The following GALK2 variants were observed in gnomAD, a reference collection of about 807,000 sequenced individuals.
The protein encoded by GALK2 is N-acetylgalactosamine kinase.
Under a neutral mutation model 52.4 loss-of-function variants are expected in GALK2, and 36 were observed. That is an observed-to-expected ratio of 0.69 (90% CI 0.53 to 0.91). The LOEUF is 0.91. Among genes scored for constraint, GALK2 ranks in the 40% least tolerant of loss-of-function variants. GALK2 has a pLI of 0.00. For synonymous variants in GALK2, 176 were observed against 199.1 expected (o/e 0.88, Z 0.98); for missense variants, 579 against 559.1 (o/e 1.04, Z -0.36).
At chr15:49,201,074 G>GTGTGTGTGTGTA (rs2087719675) in intron 1 of GALK2, 88 bp from the exon 2 acceptor site, 1 of 664,770 alleles carries the variant, frequency 1.5e-6, no homozygotes, top group African/African-American at 1.8e-5. Flanking sequence ...GTGTGTGTGT[G>GTGTGTGTGTGTA]TGTGTGTGTG....
chr15:49,214,291 C>A lies in GALK2; in HGVS notation c.143-2899C>A, dbSNP rs547997220. Among the ~76,000 whole-genome samples the A allele has an allele frequency of 1.9e-4, 29 of 151,286 alleles. No individual in the cohort carries two copies. In the South Asian group the frequency reaches 2.7e-3, roughly 14 times the overall value. On this transcript the variant is annotated intron_variant, in intron 2 of 9. Transcript: ENST00000560031. ...ATCAGCAAAAAGAAAACAAAAAAAC[C>A]CCCCAAAACTTTACCTTAACCCCAT...
At chr15:49,264,211 CA>C (rs1237616757) in intron 5 of GALK2, among the ~76,000 whole-genome samples, 143 of 151,980 alleles carry the variant, frequency 9.4e-4, no homozygotes, top group Non-Finnish European at 1.7e-3. Context: ...GTACACCAAT[CA>C]GACGTAGATT....
intron 9 of GALK2, among the ~76,000 whole-genome samples, chr15:49,325,743 C>G (rs1011686199): frequency 6.6e-6 from 1 of 152,328 alleles, no homozygotes; most frequent in Non-Finnish European, 1.5e-5. Context: ...GCCCTGATTT[C>G]AGACCATGTG....
chr15:49,200,975 G>A (rs1266452588), intron 1 of GALK2, among the ~76,000 whole-genome samples, 187 bp from the exon 2 acceptor site: 1 of 151,580 alleles, frequency 6.6e-6, no homozygotes, highest in Admixed American at 6.6e-5. Context: ...GTTCATCTTG[G>A]GATTTTCAAG....
chr15:49,309,546 A>G (rs993811751), intron 8 of GALK2, among the ~76,000 whole-genome samples: 2 of 152,130 alleles, frequency 1.3e-5, no homozygotes, highest in East Asian at 1.9e-4. Context: ...TAATTAGGCT[A>G]TACATGACCT....
chr15:49,264,853 G>A (rs1174450491), intron 5 of GALK2, among the ~76,000 whole-genome samples: 1 of 152,198 alleles, frequency 6.6e-6, no homozygotes, highest in Non-Finnish European at 1.5e-5. Context: ...GACCCTGTTT[G>A]CCTGGGTACC....
chr15:49,204,177 A>G (rs1206637460), intron 2 of GALK2, among the ~76,000 whole-genome samples: 2 of 150,788 alleles, frequency 1.3e-5, no homozygotes, highest in African/African-American at 4.9e-5. Context: ...ATTCTGTTCT[A>G]TTGGTCTGTA....
At chr15:49,365,810 G>A in intron 3 of GALK2, 1 of 872,734 alleles carries the variant, frequency 1.1e-6, no homozygotes, top group Admixed American at 1.7e-5. Context: ...AGTCCAGAGA[G>A]AAACATAAGT....
In GALK2 at chr15:49,206,425, A is replaced by G. The variant is rs543053359; in HGVS notation, c.142+5175A>G. Among the ~76,000 whole-genome samples the G allele has an allele frequency of 5.9e-5, 9 of 151,852 alleles. No homozygotes were observed. The South Asian group carries it at 1.3e-3, about 21-fold the overall frequency. On this transcript the variant is annotated intron_variant, in intron 2 of 9. Transcript: ENST00000560031. ...GTAGATTGCTTTTGGCAGTATGGTC[A>G]TTTTCACAATATTGATTCTACCCAT...
chr15:49,201,053 AGTGTG>A (rs1268322719), intron 1 of GALK2, 104 bp from the exon 2 acceptor site: 3 of 387,326 alleles, frequency 7.7e-6, no homozygotes, highest in African/African-American at 6.5e-5. Flanking sequence ...AGGCATATGG[AGTGTG>A]TGTGTGTGTG....
intron 3 of GALK2, among the ~76,000 whole-genome samples, chr15:49,366,902 G>A (rs1456564129): frequency 2.0e-5 from 3 of 152,222 alleles, no homozygotes; most frequent in Non-Finnish European, 4.4e-5. Context: ...ACTGGGCCAA[G>A]AAAAGTTATA....
At chr15:49,285,192 A>G (rs2033204921) in intron 7 of GALK2, among the ~76,000 whole-genome samples, 1 of 152,072 alleles carries the variant, frequency 6.6e-6, no homozygotes. Context: ...GATGCTTTTC[A>G]GTCTTCATCT....
chr15:49,354,415 G>A (rs1355599699), intron 3 of GALK2, among the ~76,000 whole-genome samples: 6 of 151,834 alleles, frequency 4.0e-5, no homozygotes, highest in Admixed American at 6.6e-5. Flanking sequence ...GAAGCAGGGC[G>A]AGGCATTGCC....
In GALK2 at chr15:49,331,676, T is replaced by G; in HGVS notation, c.*3517T>G. On this transcript the variant is annotated 3_prime_UTR_variant, in exon 10 of 10. Transcript: ENST00000560031. Reference sequence around the variant, plus strand: ...ACAAGAATGTATCCTCTCCTGCCACTGTAATTTGGGTGTGCCACCATACAT... The same window carrying G: ...ACAAGAATGTATCCTCTCCTGCCACGGTAATTTGGGTGTGCCACCATACAT... 2 of 715,364 alleles carry G rather than the reference T, an allele frequency of 2.8e-6. No homozygotes were observed. Among genetic ancestry groups the G allele is most frequent in the Admixed American group, 2.2e-5 (1 of 45,098 alleles). 44.3% of individuals were successfully genotyped at this position (715,364 alleles called of 1,614,324 possible). A position where few individuals can be genotyped will look rare whatever the true frequency, so the allele number is the denominator to read the frequency against.
At position 49,239,327 on chromosome 15, in the gene GALK2, GC is replaced by G; in HGVS notation, c.465del (p.Leu156TrpfsTer2). 6.2e-7 allele frequency: 1 copy of G among 1,614,064 alleles called. No homozygotes were observed. The highest frequency in any genetic ancestry group is 8.5e-7 in the Non-Finnish European group (1 of 1,179,990). ...SSSSALVCCA[G>X]LVTLTVLGRN... ...TCCAGTGCTTTGGTCTGTTGTGCTG[GC>G]TTGGTGACGCTCACAGTGCTGGGAA... On this transcript the variant is annotated frameshift_variant, in exon 5 of 10. Coordinates refer to ENST00000560031, the MANE Select transcript of GALK2 (RefSeq NM_002044.4). LOFTEE classifies it high-confidence loss of function.
At chr15:49,195,911 T>A (rs1373259554) in intron 1 of GALK2, among the ~76,000 whole-genome samples, 1 of 151,748 alleles carries the variant, frequency 6.6e-6, no homozygotes, top group Non-Finnish European at 1.5e-5. Flanking sequence ...ACATCAAAAA[T>A]GGAATCAGAC....
intron 1 of GALK2, among the ~76,000 whole-genome samples, chr15:49,163,669 A>G (rs1339117451): frequency 2.0e-5 from 3 of 152,212 alleles, no homozygotes; most frequent in Non-Finnish European, 4.4e-5. Context: ...CTTTTAAAAT[A>G]TATTTTTCAT....
At chr15:49,306,232 T>C (rs1011870616) in intron 8 of GALK2, among the ~76,000 whole-genome samples, 1 of 151,998 alleles carries the variant, frequency 6.6e-6, no homozygotes, top group Non-Finnish European at 1.5e-5. Flanking sequence ...AGGGCCATTT[T>C]ACATGCCAGA....
chr15:49,349,347 G>A (rs147093560), intron 3 of GALK2, among the ~76,000 whole-genome samples: 1 of 151,784 alleles, frequency 6.6e-6, no homozygotes, highest in East Asian at 1.9e-4. Context: ...CTCTTAACTG[G>A]CAGAGTTTAT....
Sources: gnomAD v4.1 joint callset for allele counts (sites outside exome capture counted in the v4.1 genomes callset) on GRCh38, gnomAD v4.1.1 for gene constraint, MANE v1.5 for transcripts, NCBI Gene and HGNC (gene_info 2026-07-23, HGNC 2026-07-21) for gene names.